The following ZNF782 variants were observed in gnomAD, a reference collection of about 807,000 sequenced individuals.
ZNF782 encodes the protein zinc finger protein 782.
A neutral mutation model predicts 13.0 loss-of-function variants in ZNF782; 12 were observed. The observed-to-expected ratio is 0.92, with a 90% CI of 0.59 to 1.50. The LOEUF is 1.50. ZNF782 is among the 40% of genes most tolerant of loss of function. The probability of loss-of-function intolerance (pLI) is 0.00; values close to 1 mark genes in which losing one functional copy is unlikely to be tolerated. For missense variants in ZNF782, 770 were observed against 822.9 expected (o/e 0.94, Z 0.79); for synonymous variants, 284 against 283.0 (o/e 1.00, Z -0.04).
At chr9:96,842,759 A>G (rs1227231237) in intron 4 of ZNF782, among the ~76,000 whole-genome samples, 1 of 152,134 alleles carries the variant, frequency 6.6e-6, no homozygotes, top group Non-Finnish European at 1.5e-5. Context: ...GAGGATGAAA[A>G]GACAAGTTAC....
At chr9:96,833,477 C>G (rs1223337469) in intron 4 of ZNF782, among the ~76,000 whole-genome samples, 4 of 152,172 alleles carry the variant, frequency 2.6e-5, no homozygotes, top group Non-Finnish European at 5.9e-5. Context: ...TTTGGTTTAT[C>G]TGATGTTTTC....
At chr9:96,902,525 C>A in the ZNF782 span, among the ~76,000 whole-genome samples, 4 of 128,880 alleles carry the variant, frequency 3.1e-5, no homozygotes, top group African/African-American at 1.3e-4. Context: ...CTGTAAGATA[C>A]ATAGAATTAC....
Position 96,819,044 on chromosome 9 carries a change from C to T in ZNF782, c.979G>A (p.Val327Met). The T allele has an allele frequency of 6.2e-7, 1 of 1,614,144 alleles. No individual in the cohort carries two copies. The highest frequency in any genetic ancestry group is 8.5e-7 in the Non-Finnish European group (1 of 1,180,018). ...TCTGTTGCATGAGTTCTCTGATGCA[C>T]TGGGAGGGTTGAATTACGGTTGAAA... ...KSFNRNSTLP[V>M]HQRTHATDKY... Residue 327 changes from valine to methionine, a missense_variant, in exon 6 of 6, where the codon GTG becomes ATG. Physicochemically the swap from Val to Met is conservative, Grantham distance 21. Transcript: ENST00000481138.
At chr9:96,883,856 T>C in the ZNF782 span, among the ~76,000 whole-genome samples, 362 of 152,320 alleles carry the variant, frequency 2.4e-3, 3 homozygotes, top group African/African-American at 8.2e-3. Flanking sequence ...GTTCTCTGTT[T>C]CCTTCTGCTT....
intron 4 of ZNF782, among the ~76,000 whole-genome samples, chr9:96,829,560 G>A (rs1850731826): frequency 6.6e-6 from 1 of 152,076 alleles, no homozygotes; most frequent in African/African-American, 2.4e-5. Context: ...TATAGAAGTA[G>A]ATTACAAGTA....
chr9:96,916,262 G>A, the ZNF782 span, among the ~76,000 whole-genome samples: 4 of 152,010 alleles, frequency 2.6e-5, no homozygotes, highest in East Asian at 1.9e-4. Context: ...AGACTAAGGC[G>A]GGCGGATCAC....
chr9:96,818,886 T>A lies in ZNF782; in HGVS notation c.1137A>T (p.Ser379=). 1.2e-6 allele frequency: 2 copies of A among 1,614,230 alleles called. No individual in the cohort carries two copies. Among genetic ancestry groups the A allele is most frequent in the Admixed American group, 3.3e-5 (2 of 60,032 alleles). The change falls in exon 6 of 6, where the codon TCA becomes TCT. Residue 379 remains serine (S), a synonymous_variant. Coordinates refer to ENST00000481138, the MANE Select transcript of ZNF782 (RefSeq NM_001001662.3). ...NECGKSCSMN[S]HLIWPQKSHT... is the part of the protein sequence containing the mutation. ...GACTTTTCTGAGGCCAAATCAAGTG[T>A]GAATTCATAGAGCAGGATTTCCCAC...
Position 96,818,590 on chromosome 9 carries a change from A to G in ZNF782, c.1433T>C (p.Phe478Ser), listed in dbSNP as rs1850269924. ...AGATTTCCCGCATTCATTACATTCAAAAGGTTTCTCCCCTGTGTGAGTTCT... is the reference window on the plus strand; with the variant it reads ...AGATTTCCCGCATTCATTACATTCAGAAGGTTTCTCCCCTGTGTGAGTTCT... The part of the protein sequence containing the change: ...HQRTHTGEKP[F>S]ECNECGKSFS... The change falls in exon 6 of 6, where the codon TTT becomes TCT. Residue 478 changes from phenylalanine (F) to serine (S), a missense_variant. Coordinates refer to ENST00000481138, the MANE Select transcript of ZNF782 (RefSeq NM_001001662.3). 6.2e-7 allele frequency: 1 copy of G among 1,601,426 alleles called. No homozygotes were observed. Among genetic ancestry groups the G allele is most frequent in the Admixed American group, 1.7e-5 (1 of 58,668 alleles).
the ZNF782 span, among the ~76,000 whole-genome samples, chr9:96,882,731 A>C: frequency 1.3e-5 from 2 of 152,252 alleles, no homozygotes; most frequent in Non-Finnish European, 2.9e-5. Context: ...GCATGCTTAC[A>C]TATTTTAGTT....
At chr9:96,890,363 T>C in the ZNF782 span, 1 of 152,336 alleles carries the variant, frequency 6.6e-6, no homozygotes, top group Admixed American at 6.5e-5. Context: ...ATTCTGTCAC[T>C]GCAGCTTCAA....
intron 4 of ZNF782, among the ~76,000 whole-genome samples, chr9:96,844,387 C>T (rs970627620): frequency 1.3e-5 from 2 of 152,120 alleles, no homozygotes; most frequent in African/African-American, 4.8e-5. Context: ...AGTATATACC[C>T]ACAAAGCGGC....
chr9:96,888,672 C>G, the ZNF782 span: 6 of 152,260 alleles, frequency 3.9e-5, no homozygotes, highest in African/African-American at 1.4e-4. Context: ...AAGAGCTAGT[C>G]TGGACTTTGT....
intron 3 of ZNF782, among the ~76,000 whole-genome samples, chr9:96,851,106 T>C (rs1036562738): frequency 6.6e-6 from 1 of 152,132 alleles, no homozygotes. Flanking sequence ...ACCTTGTCTC[T>C]CTGTACATCT....
chr9:96,818,855 CTG>C lies in ZNF782; in HGVS notation c.1166_1167del (p.Thr389ArgfsTer6). The C allele has an allele frequency of 6.2e-7, 1 of 1,614,166 alleles. No homozygotes were observed. The highest frequency in any genetic ancestry group is 8.5e-7 in the Non-Finnish European group (1 of 1,180,010). ...SHLIWPQKSHTGEKPYECPEC... is the reference protein window; with the variant it reads ...SHLIWPQKSHXGEKPYECPEC... ...TCAGGACATTCATAGGGTTTCTCCC[CTG>C]TGTGACTTTTCTGAGGCCAAATCAA... On this transcript the variant is annotated frameshift_variant, in exon 6 of 6. Transcript: ENST00000481138. LOFTEE classifies it low-confidence loss of function (END_TRUNC).
intron 4 of ZNF782, among the ~76,000 whole-genome samples, chr9:96,841,526 A>T (rs1186365475): frequency 6.6e-6 from 1 of 151,998 alleles, no homozygotes; most frequent in Non-Finnish European, 1.5e-5. Flanking sequence ...ATTCTATGAC[A>T]TTACCAAGTA....
the ZNF782 span, among the ~76,000 whole-genome samples, chr9:96,924,967 C>T: frequency 0.025 from 3,852 of 152,342 alleles, 184 homozygotes; most frequent in African/African-American, 0.088. Context: ...GGGGTCGCCC[C>T]GCAGACACTG....
the ZNF782 span, among the ~76,000 whole-genome samples, chr9:96,925,253 G>T: frequency 2.0e-5 from 3 of 151,962 alleles, no homozygotes; most frequent in Non-Finnish European, 4.4e-5. Context: ...CCCCGCAGGA[G>T]ATGGGGAAAT....
At chr9:96,849,591 T>C (rs956412959) in intron 3 of ZNF782, among the ~76,000 whole-genome samples, 2 of 152,220 alleles carry the variant, frequency 1.3e-5, no homozygotes, top group Non-Finnish European at 2.9e-5. Flanking sequence ...AAAACTCTTC[T>C]AGACATCAGC....
At chr9:96,875,865 C>T (rs1243958040), upstream of ZNF782, among the ~76,000 whole-genome samples, 1 of 152,252 alleles carries the variant, frequency 6.6e-6, no homozygotes, top group South Asian at 2.1e-4. Flanking sequence ...CTTAGCTAGG[C>T]GTGAAGCAGC....
Sources: allele counts gnomAD v4.1 joint callset (sites outside exome capture counted in the v4.1 genomes callset), GRCh38; gene constraint gnomAD v4.1.1; transcripts MANE v1.5; gene names NCBI Gene and HGNC (gene_info 2026-07-23, HGNC 2026-07-21).